The following GPHN variants were observed in gnomAD, a reference collection of about 807,000 sequenced individuals.
The protein encoded by GPHN is gephyrin.
A neutral mutation model predicts 95.5 loss-of-function variants in GPHN; 17 were observed. That is an observed-to-expected ratio of 0.18 (90% CI 0.12 to 0.27). The LOEUF (loss-of-function observed/expected upper bound fraction) is 0.27. Among genes scored for constraint, GPHN ranks in the 10% least tolerant of loss-of-function variants. The probability of loss-of-function intolerance (pLI) is 1.00; values close to 1 mark genes in which losing one functional copy is unlikely to be tolerated. For synonymous variants in GPHN, 320 were observed against 322.5 expected, an observed-to-expected ratio of 0.99 and a Z score of 0.08; for missense variants, 660 against 978.1, an observed-to-expected ratio of 0.67 and a Z score of 4.34.
chr14:67,200,204 C>A, the GPHN span: 1 of 1,124,338 alleles, frequency 8.9e-7, no homozygotes, highest in Non-Finnish European at 1.3e-6. Context: ...CTGATGCCCC[C>A]CATGGATACA....
chr14:67,419,400 C>A, the GPHN span, among the ~76,000 whole-genome samples: 51,481 of 151,942 alleles, frequency 0.34, 13,005 homozygotes, highest in African/African-American at 0.69. Flanking sequence ...TTTTCCCAGC[C>A]CTACCTAAGA....
chr14:66,611,563 G>A (rs943937332), intron 1 of GPHN, among the ~76,000 whole-genome samples: 1 of 152,058 alleles, frequency 6.6e-6, no homozygotes, highest in Non-Finnish European at 1.5e-5. Flanking sequence ...AATTGGATTG[G>A]CACTTCTAGT....
intron 2 of GPHN, among the ~76,000 whole-genome samples, chr14:66,763,154 C>T (rs925653273): frequency 6.6e-6 from 1 of 151,186 alleles, no homozygotes; most frequent in African/African-American, 2.4e-5. Context: ...AACTGCAGTT[C>T]AAAAATATTT....
In GPHN at chr14:67,043,138, A is replaced by T. The variant is rs185603250; in HGVS notation, c.1007-15511A>T. On this transcript the variant is annotated intron_variant, in intron 10 of 22. Coordinates refer to ENST00000478722, the MANE Select transcript of GPHN (RefSeq NM_020806.5). Reference sequence around the variant, plus strand: ...GCTTAAGGAGATTTTGGGCTGAGACAGTGGGGTTTTCTAAATATACAATCA... The same window carrying T: ...GCTTAAGGAGATTTTGGGCTGAGACTGTGGGGTTTTCTAAATATACAATCA... 6.4e-3 allele frequency among the ~76,000 whole-genome samples: 972 copies of T among 152,276 alleles called. 11 individuals carry two copies. The highest frequency in any genetic ancestry group is 0.022 in the African/African-American group (920 of 41,580).
chr14:67,081,480 C>T (rs1055936655), intron 11 of GPHN, among the ~76,000 whole-genome samples: 2 of 151,954 alleles, frequency 1.3e-5, no homozygotes, highest in Non-Finnish European at 2.9e-5. Context: ...TTAAGTTCCT[C>T]GTAGATTCTA....
chr14:66,957,175 ATTTC>A (rs1180422278), intron 8 of GPHN, among the ~76,000 whole-genome samples: 2 of 143,964 alleles, frequency 1.4e-5, no homozygotes, highest in South Asian at 2.2e-4. Context: ...AATTTCTCAA[ATTTC>A]TTTCTTTCTT....
the GPHN span, among the ~76,000 whole-genome samples, chr14:67,475,957 G>A: frequency 1.1e-4 from 17 of 152,198 alleles, no homozygotes; most frequent in African/African-American, 2.7e-4. Flanking sequence ...TGGCCTTGAC[G>A]CAGGCCCGTC....
the GPHN span, among the ~76,000 whole-genome samples, chr14:67,188,103 C>T: frequency 2.1e-4 from 32 of 152,258 alleles, no homozygotes; most frequent in South Asian, 2.7e-3. Flanking sequence ...ATATCCCAAG[C>T]TTAGGACATG....
chr14:66,865,401 T>A lies in GPHN; in HGVS notation c.295-14538T>A, dbSNP rs951213027. 5.9e-4 allele frequency among the ~76,000 whole-genome samples: 89 copies of A among 152,064 alleles called. 3 individuals carry two copies. Among genetic ancestry groups the A allele is most frequent in the African/African-American group, 2.1e-3 (86 of 41,506 alleles). ...ACTGCATACCCAGGAAAATTAAAAA[T>A]TTTTCAAATTTTTTAAACTAAATTA... On this transcript the variant is annotated intron_variant, in intron 4 of 22. Coordinates refer to ENST00000478722, the MANE Select transcript of GPHN (RefSeq NM_020806.5).
intron 11 of GPHN, among the ~76,000 whole-genome samples, chr14:67,069,564 C>A (rs151262589): frequency 6.6e-6 from 1 of 152,310 alleles, no homozygotes; most frequent in Non-Finnish European, 1.5e-5. Context: ...CTTAAAGGTT[C>A]CTTGACTAGA....
At chr14:67,177,374 G>T (rs1355581859) in intron 21 of GPHN, among the ~76,000 whole-genome samples, 2 of 152,200 alleles carry the variant, frequency 1.3e-5, no homozygotes, top group African/African-American at 4.8e-5. Context: ...CAGTTTCCAT[G>T]TAGTTGTGTG....
chr14:66,841,953 T>A (rs1205742991), intron 4 of GPHN, among the ~76,000 whole-genome samples: 1 of 152,060 alleles, frequency 6.6e-6, no homozygotes, highest in East Asian at 1.9e-4. Flanking sequence ...CTCGGGAGGC[T>A]GAGGCAGGCG....
chr14:67,193,954 C>CAAAAAAAAAACAAAAAAAAAAAAAAAA, the GPHN span, among the ~76,000 whole-genome samples: 1 of 85,758 alleles, frequency 1.2e-5, no homozygotes, highest in African/African-American at 4.2e-5. Flanking sequence ...CAAAAAAAAA[C>CAAAAAAAAAACAAAAAAAAAAAAAAAA]AAAAAAAAAA....
At chr14:67,075,221 T>C (rs1191177552) in intron 11 of GPHN, among the ~76,000 whole-genome samples, 1 of 152,060 alleles carries the variant, frequency 6.6e-6, no homozygotes, top group Non-Finnish European at 1.5e-5. Flanking sequence ...ATGCTAAATC[T>C]TCCCTCCCTG....
At chr14:67,341,448 G>A in the GPHN span, among the ~76,000 whole-genome samples, 2 of 151,948 alleles carry the variant, frequency 1.3e-5, no homozygotes, top group Non-Finnish European at 2.9e-5. Flanking sequence ...CAGCCACCCC[G>A]TCCAGGAGGG....
intron 7 of GPHN, among the ~76,000 whole-genome samples, chr14:66,923,831 A>G (rs2066341950): frequency 6.6e-6 from 1 of 152,106 alleles, no homozygotes; most frequent in African/African-American, 2.4e-5. Flanking sequence ...AGAATCATCG[A>G]GAAATCCTTT....
chr14:66,935,634 C>T (rs891566413), intron 8 of GPHN, among the ~76,000 whole-genome samples: 1 of 151,654 alleles, frequency 6.6e-6, no homozygotes, highest in Admixed American at 6.6e-5. Flanking sequence ...AGGAGAATCA[C>T]TTAACATATA....
chr14:67,380,928 A>G, the GPHN span, among the ~76,000 whole-genome samples: 1 of 152,222 alleles, frequency 6.6e-6, no homozygotes, highest in Non-Finnish European at 1.5e-5. Context: ...TGGCTTCTGA[A>G]TCATAAAATT....
At chr14:67,615,112 T>A in the GPHN span, 1 of 152,144 alleles carries the variant, frequency 6.6e-6, no homozygotes, top group Non-Finnish European at 1.5e-5. Flanking sequence ...AATCTCTAGA[T>A]CCTCCTACAA....
Sources: gnomAD v4.1 joint callset for allele counts (sites outside exome capture counted in the v4.1 genomes callset) on GRCh38, gnomAD v4.1.1 for gene constraint, MANE v1.5 for transcripts, NCBI Gene and HGNC (gene_info 2026-07-23, HGNC 2026-07-21) for gene names.